The following VPS13B variants were observed in gnomAD, a reference collection of about 807,000 sequenced individuals.
The protein encoded by VPS13B is vacuolar protein sorting 13 homolog B.
A neutral mutation model predicts 426.4 loss-of-function variants in VPS13B; 285 were observed. That is an observed-to-expected ratio of 0.67 (90% CI 0.61 to 0.74). The LOEUF (loss-of-function observed/expected upper bound fraction) is 0.74. Among genes scored for constraint, VPS13B ranks in the 30% least tolerant of loss-of-function variants. VPS13B has a pLI of 0.00. For synonymous variants in VPS13B, 1,676 were observed against 1,676.4 expected, an observed-to-expected ratio of 1.00 and a Z score of 0.01; for missense variants, 4,537 against 4,782.6, an observed-to-expected ratio of 0.95 and a Z score of 1.51.
chr8:99,113,258 C>T (rs1240586031), intron 6 of VPS13B, among the ~76,000 whole-genome samples: 3 of 152,116 alleles, frequency 2.0e-5, no homozygotes, highest in African/African-American at 7.2e-5. Flanking sequence ...GTCTCCATCC[C>T]TGGCTCATTT....
intron 19 of VPS13B, among the ~76,000 whole-genome samples, chr8:99,372,853 A>G (rs1444859015): frequency 6.6e-6 from 1 of 152,210 alleles, no homozygotes; most frequent in East Asian, 1.9e-4. Context: ...TACTATAAAG[A>G]CACATGCACA....
In VPS13B at chr8:99,467,624, C is replaced by T. The variant is rs149478021; in HGVS notation, c.3656C>T (p.Ser1219Phe). The T allele has an allele frequency of 1.9e-6, 3 of 1,609,250 alleles. No individual in the cohort carries two copies. Among genetic ancestry groups the T allele is most frequent in the Non-Finnish European group, 2.5e-6 (3 of 1,179,630 alleles). Residue 1219 changes from serine (S) to phenylalanine (F), a missense_variant, in exon 24 of 62, where the codon TCT becomes TTT. This residue lies in a region of VPS13B where 4,311 missense variants were observed against 4,474.3 expected (regional missense o/e 0.96). Coordinates refer to ENST00000357162, the MANE Select transcript of VPS13B (RefSeq NM_152564.5). ...CTAGAGTCACTAGAGATAAAATGCTCTAATCCCCAGGTTGGTACATTTGAT... is the reference window on the plus strand; with the variant it reads ...CTAGAGTCACTAGAGATAAAATGCTTTAATCCCCAGGTTGGTACATTTGAT... ...VDLESLEIKC[S>F]NPQVQLFYEL...
intron 44 of VPS13B, among the ~76,000 whole-genome samples, chr8:99,815,665 G>A (rs984240397): frequency 6.6e-6 from 1 of 152,022 alleles, no homozygotes; most frequent in Non-Finnish European, 1.5e-5. Flanking sequence ...GTATGTGTGT[G>A]TGTGTTATTC....
chr8:99,264,683 T>A (rs1421066198), intron 17 of VPS13B, among the ~76,000 whole-genome samples: 1 of 152,188 alleles, frequency 6.6e-6, no homozygotes, highest in Non-Finnish European at 1.5e-5. Flanking sequence ...GAGCGTCTCT[T>A]TAGCCTTGAT....
At chr8:99,595,273 T>G (rs1354823343) in intron 33 of VPS13B, among the ~76,000 whole-genome samples, 1 of 151,952 alleles carries the variant, frequency 6.6e-6, no homozygotes, top group African/African-American at 2.4e-5. Flanking sequence ...GGCATAAGGA[T>G]AGACATATGG....
intron 2 of VPS13B, among the ~76,000 whole-genome samples, chr8:99,030,886 A>T (rs1488688730): frequency 1.3e-5 from 2 of 152,208 alleles, no homozygotes; most frequent in Non-Finnish European, 2.9e-5. Context: ...TACTAATTTA[A>T]TAATTTCATT....
chr8:99,714,037 G>A (rs1471278577), intron 36 of VPS13B, among the ~76,000 whole-genome samples: 1 of 151,702 alleles, frequency 6.6e-6, no homozygotes, highest in Non-Finnish European at 1.5e-5. Context: ...CTGTTCGGGA[G>A]GCTGAGGCAG....
chr8:99,521,063 C>A, intron 30 of VPS13B, 53 bp downstream of exon 30: 3 of 1,397,820 alleles, frequency 2.1e-6, no homozygotes, highest in Non-Finnish European at 3.0e-6. Context: ...CCTGCAAACA[C>A]ATATAGTGGT....
intron 55 of VPS13B, 93 bp from the exon 56 acceptor site, chr8:99,853,358 A>G: frequency 7.9e-7 from 1 of 1,266,164 alleles, no homozygotes; most frequent in Non-Finnish European, 1.1e-6. Flanking sequence ...TCCCATCAGG[A>G]GGTATTTAAT....
chr8:99,809,262 A>G (rs1358636019), intron 43 of VPS13B, 113 bp from the exon 44 acceptor site: 2 of 1,390,544 alleles, frequency 1.4e-6, no homozygotes, highest in Non-Finnish European at 2.0e-6. Context: ...TAGAAAGAAA[A>G]CAGATGCAAA....
At chr8:99,845,455 T>C (rs756876805) in intron 54 of VPS13B, among the ~76,000 whole-genome samples, 1 of 152,188 alleles carries the variant, frequency 6.6e-6, no homozygotes, top group African/African-American at 2.4e-5. Context: ...GGATCACTCG[T>C]GCATCTGCAT....
intron 17 of VPS13B, among the ~76,000 whole-genome samples, chr8:99,246,035 G>GTTTTA (rs1554690706): frequency 6.6e-6 from 1 of 152,090 alleles, no homozygotes; most frequent in Non-Finnish European, 1.5e-5. Context: ...GTTTTGTTTT[G>GTTTTA]TTTTTTGAGA....
intron 34 of VPS13B, among the ~76,000 whole-genome samples, chr8:99,658,439 C>T (rs933987110): frequency 3.3e-5 from 5 of 152,066 alleles, no homozygotes; most frequent in Non-Finnish European, 7.4e-5. Context: ...AACCTGCTTG[C>T]TTTTTTTCCC....
intron 23 of VPS13B, among the ~76,000 whole-genome samples, chr8:99,443,965 G>A (rs192637931): frequency 2.0e-5 from 3 of 150,648 alleles, no homozygotes; most frequent in Admixed American, 2.0e-4. Flanking sequence ...TTTCACATCT[G>A]TGTCACTATT....
At chr8:99,619,886 GATAATAATAATA>G (rs60817713) in intron 33 of VPS13B, among the ~76,000 whole-genome samples, 3 of 146,874 alleles carry the variant, frequency 2.0e-5, no homozygotes, top group Admixed American at 2.0e-4. Flanking sequence ...AAATGATGAT[GATAATAATAATA>G]ATAATAATAA....
chr8:99,840,552 C>T (rs1815630407), intron 54 of VPS13B, among the ~76,000 whole-genome samples: 1 of 152,206 alleles, frequency 6.6e-6, no homozygotes, highest in Non-Finnish European at 1.5e-5. Context: ...TGCAGTGAAT[C>T]ATTAGACACT....
At chr8:99,360,166 CTTTCTTTCTTTCTTTCTTTCTT>C (rs1812447556) in intron 19 of VPS13B, among the ~76,000 whole-genome samples, 6 of 36,426 alleles carry the variant, frequency 1.6e-4, no homozygotes, top group Admixed American at 6.2e-4. Flanking sequence ...TTCTTTCTTT[CTTTCTTTCTTTCTTTCTTTCTT>C]TCTCTCTCTC....
intron 29 of VPS13B, among the ~76,000 whole-genome samples, chr8:99,520,426 TGTG>T (rs1210948099): frequency 6.6e-6 from 1 of 151,440 alleles, no homozygotes; most frequent in Non-Finnish European, 1.5e-5. Context: ...TGTGTGTGTG[TGTG>T]TTGTATTTAA....
chr8:99,806,674 C>T (rs966242566), intron 43 of VPS13B, among the ~76,000 whole-genome samples: 1 of 152,186 alleles, frequency 6.6e-6, no homozygotes, highest in Non-Finnish European at 1.5e-5. Flanking sequence ...GGTGATCTAA[C>T]ACAAATGTCA....
Sources: gnomAD v4.1 joint callset for allele counts (sites outside exome capture counted in the v4.1 genomes callset) on GRCh38, gnomAD v4.1.1 for gene constraint, gnomAD v4.1.1 regional missense constraint, MANE v1.5 for transcripts, NCBI Gene and HGNC (gene_info 2026-07-23, HGNC 2026-07-21) for gene names.